The following MRAP2 variants were observed in gnomAD, a reference collection of about 807,000 sequenced individuals.
The protein encoded by MRAP2 is melanocortin-2 receptor accessory protein 2.
MRAP2 carries 20 observed loss-of-function variants against 17.4 expected under a neutral mutation model. The ratio of observed to expected loss-of-function variants is 1.15; its 90% CI spans 0.81 to 1.67. The LOEUF is 1.67. MRAP2 is among the 40% of genes most tolerant of loss of function. The pLI, the probability that MRAP2 is intolerant of heterozygous loss-of-function variation, is 0.00. For missense variants in MRAP2, 238 were observed against 240.0 expected (o/e 0.99, Z 0.05); for synonymous variants, 96 against 88.4 (o/e 1.09, Z -0.48).
At chr6:84,117,395 T>G in the MRAP2 span, among the ~76,000 whole-genome samples, 1 of 152,142 alleles carries the variant, frequency 6.6e-6, no homozygotes. Context: ...TAGAATGAGT[T>G]AGGGAGGAGT....
the MRAP2 span, among the ~76,000 whole-genome samples, chr6:84,112,754 C>A: frequency 6.6e-6 from 1 of 152,126 alleles, no homozygotes; most frequent in South Asian, 2.1e-4. Context: ...ATAAATTTCC[C>A]TCTACACACT....
the MRAP2 span, among the ~76,000 whole-genome samples, chr6:84,137,461 G>A: frequency 2.0e-5 from 3 of 151,926 alleles, no homozygotes; most frequent in Admixed American, 2.0e-4. Flanking sequence ...TTATGAGTGG[G>A]CCACAATAGT....
the MRAP2 span, among the ~76,000 whole-genome samples, chr6:84,113,713 T>C: frequency 1.3e-5 from 2 of 152,236 alleles, no homozygotes; most frequent in Non-Finnish European, 2.9e-5. Flanking sequence ...GTTTTTGCAG[T>C]GGCTGGTACT....
the MRAP2 span, among the ~76,000 whole-genome samples, chr6:84,122,352 CAAAAAAAAAAAAAAA>C: frequency 1.1e-4 from 4 of 36,150 alleles, no homozygotes. Flanking sequence ...ACAGCACATC[CAAAAAAAAAAAAAAA>C]AAAAAAAAAG....
intron 1 of MRAP2, among the ~76,000 whole-genome samples, chr6:84,043,637 A>G (rs1471882691): frequency 8.2e-6 from 1 of 121,762 alleles, no homozygotes; most frequent in African/African-American, 3.2e-5. Context: ...TTGTCCCTCA[A>G]GCTGTGTGTG....
intron 3 of MRAP2, chr6:84,063,401 G>A (rs1334843716): frequency 1.0e-6 from 1 of 985,224 alleles, no homozygotes; most frequent in Non-Finnish European, 1.2e-6. Context: ...ATTTCAAGAA[G>A]CAGAGTAATA....
intron 1 of MRAP2, among the ~76,000 whole-genome samples, chr6:84,050,336 T>C (rs2099490117): frequency 6.6e-6 from 1 of 152,144 alleles, no homozygotes; most frequent in Non-Finnish European, 1.5e-5. Flanking sequence ...GGGAGGACAC[T>C]GTGGCAGCTT....
intron 1 of MRAP2, among the ~76,000 whole-genome samples, chr6:84,036,980 T>C (rs1340507825): frequency 6.6e-6 from 1 of 151,980 alleles, no homozygotes; most frequent in African/African-American, 2.4e-5. Context: ...TGCTGATTGG[T>C]GCATTTACAA....
At chr6:84,055,191 G>A in intron 1 of MRAP2, 121 bp from the exon 2 acceptor site, 1 of 1,132,258 alleles carries the variant, frequency 8.8e-7, no homozygotes. Flanking sequence ...TGGCCTAGGA[G>A]GTAAGACCTC....
chr6:84,094,156 A>G (rs1442866477), downstream of MRAP2, among the ~76,000 whole-genome samples: 1 of 152,204 alleles, frequency 6.6e-6, no homozygotes, highest in Non-Finnish European at 1.5e-5. Flanking sequence ...ACTTAAATGG[A>G]TAAAATGATC....
chr6:84,130,244 C>T, the MRAP2 span, among the ~76,000 whole-genome samples: 1 of 152,080 alleles, frequency 6.6e-6, no homozygotes, highest in Non-Finnish European at 1.5e-5. Context: ...TGATGTGCTG[C>T]TGGATTTGGA....
chr6:84,041,378 A>G (rs549019388), intron 1 of MRAP2, among the ~76,000 whole-genome samples: 2 of 152,196 alleles, frequency 1.3e-5, no homozygotes, highest in Non-Finnish European at 2.9e-5. Flanking sequence ...CAGAAAGGGA[A>G]TGTGGAGTCA....
the MRAP2 span, chr6:84,125,389 CAT>C: frequency 9.7e-6 from 8 of 820,544 alleles, no homozygotes; most frequent in Non-Finnish European, 1.6e-5. Flanking sequence ...TCAGGTAAAT[CAT>C]AATGCTCTGC....
the MRAP2 span, among the ~76,000 whole-genome samples, chr6:84,117,665 G>C: frequency 1.4e-5 from 2 of 144,764 alleles, no homozygotes; most frequent in South Asian, 4.2e-4. Context: ...GTGTGTGTGT[G>C]TGTGTGTGTG....
At chr6:84,113,805 G>A in the MRAP2 span, among the ~76,000 whole-genome samples, 2 of 152,166 alleles carry the variant, frequency 1.3e-5, no homozygotes, top group Non-Finnish European at 2.9e-5. Flanking sequence ...CTCAGCATTT[G>A]CTTGTCTGTA....
chr6:84,095,572 A>T (rs2099502531), downstream of MRAP2, among the ~76,000 whole-genome samples: 1 of 152,140 alleles, frequency 6.6e-6, no homozygotes, highest in African/African-American at 2.4e-5. Flanking sequence ...AATTCAATGG[A>T]TTTTTTCCCT....
At chr6:84,072,099 G>A (rs2099496332) in intron 3 of MRAP2, among the ~76,000 whole-genome samples, 1 of 152,072 alleles carries the variant, frequency 6.6e-6, no homozygotes, top group Non-Finnish European at 1.5e-5. Context: ...TTCTTGGTTT[G>A]CATCCATTGC....
At chr6:84,044,059 G>A (rs374400925) in intron 1 of MRAP2, among the ~76,000 whole-genome samples, 51 of 152,264 alleles carry the variant, frequency 3.3e-4, no homozygotes, top group African/African-American at 1.2e-3. Context: ...GACTTCCTAG[G>A]ACAGTTTAAT....
chr6:84,042,419 G>C (rs1176471613), intron 1 of MRAP2, among the ~76,000 whole-genome samples: 1 of 152,216 alleles, frequency 6.6e-6, no homozygotes, highest in Non-Finnish European at 1.5e-5. Context: ...AGAGGCCAAA[G>C]GTGGCAGGAG....
Sources: gnomAD v4.1 joint callset for allele counts (sites outside exome capture counted in the v4.1 genomes callset) on GRCh38, gnomAD v4.1.1 for gene constraint, MANE v1.5 for transcripts, NCBI Gene and HGNC (gene_info 2026-07-23, HGNC 2026-07-21) for gene names.